DYNC2H1: variants seen among roughly 807,000 people sequenced by gnomAD.
DYNC2H1 encodes cytoplasmic dynein 2 heavy chain 1.
Under a neutral mutation model 570.0 loss-of-function variants are expected in DYNC2H1, and 410 were observed. The observed-to-expected ratio is 0.72, with a 90% confidence interval of 0.66 to 0.78. The LOEUF (loss-of-function observed/expected upper bound fraction) is 0.78, where lower values mean the gene tolerates loss of function less well. DYNC2H1 is among the 30% of genes least tolerant of loss of function. The pLI is 0.00. For synonymous variants in DYNC2H1, 1,688 were observed against 1,677.6 expected (o/e 1.01, Z -0.15); for missense variants, 4,865 against 5,046.4 (o/e 0.96, Z 1.09).
At chr11:103,253,160 C>A in intron 65 of DYNC2H1, 125 bp from the exon 66 acceptor site, 1 of 932,282 alleles carries the variant, frequency 1.1e-6, no homozygotes, top group Non-Finnish European at 1.5e-6. Context: ...GGTAACCCAA[C>A]TTTTGCCGTC....
chr11:103,152,633 G>C (rs1860620602), intron 21 of DYNC2H1, among the ~76,000 whole-genome samples: 1 of 152,036 alleles, frequency 6.6e-6, no homozygotes. Context: ...CTCTAATGGA[G>C]ACCCCAAAAA....
chr11:103,328,824 C>T (rs1198391623), intron 82 of DYNC2H1, among the ~76,000 whole-genome samples: 2 of 152,168 alleles, frequency 1.3e-5, no homozygotes, highest in African/African-American at 4.8e-5. Flanking sequence ...TTTTCCTCAA[C>T]TTTTCCACTG....
chr11:103,414,184 GTCAGAAATTACAAGTA>G (rs1483896718), intron 84 of DYNC2H1, among the ~76,000 whole-genome samples: 2 of 152,146 alleles, frequency 1.3e-5, no homozygotes, highest in Admixed American at 1.3e-4. Flanking sequence ...GAAATAAAAA[GTCAGAAATTACAAGTA>G]TCAGGAATTA....
At chr11:103,220,486 A>G in intron 56 of DYNC2H1, 137 bp from the exon 57 acceptor site, 1 of 863,856 alleles carries the variant, frequency 1.2e-6, no homozygotes, top group Non-Finnish European at 1.6e-6. Context: ...GATTGAAAGC[A>G]TTTTGATATT....
At chr11:103,269,031 G>A (rs1865604844) in intron 70 of DYNC2H1, among the ~76,000 whole-genome samples, 1 of 152,032 alleles carries the variant, frequency 6.6e-6, no homozygotes. Context: ...GCATATATTA[G>A]GCAAAAGGCA....
In DYNC2H1 at chr11:103,109,605, CTCT is replaced by C; in HGVS notation, c.34_36del (p.Phe12del). Reference sequence around the variant, plus strand: ...GAACGGGACTGCGGACGTTCGGAAGCTCTTCATCTTCACTACTACCCAGAATTA... The same window carrying C: ...GAACGGGACTGCGGACGTTCGGAAGCTCATCTTCACTACTACCCAGAATTA... On this transcript the variant is annotated inframe_deletion, in exon 1 of 89. Transcript: ENST00000375735. The C allele has an allele frequency of 6.2e-7, 1 of 1,613,944 alleles. No individual in the cohort carries two copies. Among genetic ancestry groups the C allele is most frequent in the South Asian group, 1.1e-5 (1 of 91,062 alleles).
Position 103,249,343 on chromosome 11 carries a change from A to G in DYNC2H1, c.10043-3942A>G, listed in dbSNP as rs1864742850. Among the ~76,000 whole-genome samples, 1 of 152,014 alleles carries G rather than the reference A, an allele frequency of 6.6e-6. No individual in the cohort carries two copies. On this transcript the variant is annotated intron_variant, in intron 65 of 88. Coordinates refer to ENST00000375735, the MANE Select transcript of DYNC2H1 (RefSeq NM_001377.3). The surrounding 1 kb of genome is among the most constrained non-coding windows in gnomAD (Gnocchi z 4.6). The stretch of plus-strand genomic sequence containing the variant: ...GACTAGTTCTACTCACCAAAGAAAA[A>G]CTTTTTTTATTTTAACTTTTTATTT...
rs1296144355 is a variant in DYNC2H1 at position 103,395,272 on chromosome 11, TC to T, written c.12157-4390del. On this transcript the variant is annotated intron_variant, in intron 83 of 88. Coordinates refer to ENST00000375735, the MANE Select transcript of DYNC2H1 (RefSeq NM_001377.3). This position sits in a 1 kb window ranked among gnomAD's most constrained non-coding sequence, Gnocchi z 4.3. ...TTGAAAAGGTGTTAAAATGTTTTTT[TC>T]ATAGCTTGTTTCAAGAAACTTGCAA... Among the ~76,000 whole-genome samples the T allele has an allele frequency of 6.6e-6, 1 of 152,112 alleles. No homozygotes were observed. The highest frequency in any genetic ancestry group is 1.5e-5 in the Non-Finnish European group (1 of 68,022).
chr11:103,206,138 C>T (rs775360974), intron 52 of DYNC2H1, among the ~76,000 whole-genome samples: 4 of 152,080 alleles, frequency 2.6e-5, no homozygotes, highest in Non-Finnish European at 4.4e-5. Flanking sequence ...TGGTTGTATT[C>T]TGCATACATT....
chr11:103,194,436 G>A (rs765296697), intron 47 of DYNC2H1, among the ~76,000 whole-genome samples: 18 of 152,104 alleles, frequency 1.2e-4, no homozygotes, highest in Non-Finnish European at 2.6e-4. Context: ...AAATGCTCAG[G>A]AATGCAATTG....
In DYNC2H1 at chr11:103,455,168, A is replaced by C. The variant is rs368373584; in HGVS notation, c.12457-18A>C. 3 of 1,587,366 alleles carry C rather than the reference A, an allele frequency of 1.9e-6. No individual in the cohort carries two copies. Among genetic ancestry groups the C allele is most frequent in the African/African-American group, 2.7e-5 (2 of 74,258 alleles). ...TAAGTGTGTGTGTATTTATATGTTC[A>C]TATTTCCCCCCCTCTAGAACTGGGT... On this transcript the variant is annotated intron_variant, in intron 85 of 88. Coordinates refer to ENST00000375735, the MANE Select transcript of DYNC2H1 (RefSeq NM_001377.3).
In DYNC2H1 at chr11:103,244,068, A is replaced by G. The variant is rs2135226987; in HGVS notation, c.9918+277A>G. On this transcript the variant is annotated intron_variant, in intron 64 of 88. Coordinates refer to ENST00000375735, the MANE Select transcript of DYNC2H1 (RefSeq NM_001377.3). The surrounding 1 kb of genome is among the most constrained non-coding windows in gnomAD (Gnocchi z 4.3). ...TAGTAGGTTAGAGAAACAATTAAAG[A>G]AGCTTTGCACTACGTTATGACTAAT... Among the ~76,000 whole-genome samples, 1 of 152,268 alleles carries G rather than the reference A, an allele frequency of 6.6e-6. No individual in the cohort carries two copies. The highest frequency in any genetic ancestry group is 1.5e-5 in the Non-Finnish European group (1 of 67,988).
At chr11:103,219,775 A>G (rs1863517579) in intron 55 of DYNC2H1, 140 bp from the exon 56 acceptor site, 3 of 519,578 alleles carry the variant, frequency 5.8e-6, no homozygotes. Context: ...CATTTTGGAA[A>G]CTCTCTTGTC....
intron 83 of DYNC2H1, among the ~76,000 whole-genome samples, chr11:103,359,274 G>C (rs555334514): frequency 1.0e-3 from 153 of 152,282 alleles, no homozygotes; most frequent in African/African-American, 3.5e-3. Context: ...AAGTTGCGAG[G>C]ACAGCTCATA....
At chr11:103,338,031 A>C (rs1307045269) in intron 82 of DYNC2H1, among the ~76,000 whole-genome samples, 2 of 152,128 alleles carry the variant, frequency 1.3e-5, no homozygotes, top group African/African-American at 4.8e-5. Flanking sequence ...TTAAGTCTTT[A>C]ATCCATTTTG....
intron 45 of DYNC2H1, among the ~76,000 whole-genome samples, chr11:103,190,576 A>G (rs1222728902): frequency 6.6e-6 from 1 of 152,186 alleles, no homozygotes; most frequent in East Asian, 1.9e-4. Context: ...GTCTTCTTAG[A>G]TAAAGGGAAT....
At chr11:103,337,130 A>T (rs895974656) in intron 82 of DYNC2H1, among the ~76,000 whole-genome samples, 7 of 152,228 alleles carry the variant, frequency 4.6e-5, no homozygotes, top group African/African-American at 1.7e-4. Flanking sequence ...CTATGCCTTA[A>T]GGACATGTTT....
chr11:103,377,107 A>G (rs1156755360), intron 83 of DYNC2H1, among the ~76,000 whole-genome samples: 2 of 152,216 alleles, frequency 1.3e-5, no homozygotes, highest in East Asian at 1.9e-4. Flanking sequence ...GGGGTTGAAT[A>G]TAATCGGGGC....
At chr11:103,179,327 A>G in intron 39 of DYNC2H1, 94 bp downstream of exon 39, 1 of 1,133,196 alleles carries the variant, frequency 8.8e-7, no homozygotes, top group East Asian at 2.7e-5. Flanking sequence ...TGAATAATGA[A>G]TACATATTTT....
Sources: allele counts gnomAD v4.1 joint callset (sites outside exome capture counted in the v4.1 genomes callset), GRCh38; gene constraint gnomAD v4.1.1; non-coding constraint Gnocchi (gnomAD v3.1); transcripts MANE v1.5; gene names NCBI Gene and HGNC (gene_info 2026-07-23, HGNC 2026-07-21).